Variants in HERC2 observed in about 807,000 individuals in gnomAD.
HERC2 encodes E3 ubiquitin-protein ligase HERC2.
HERC2 carries 102 observed loss-of-function variants against 537.7 expected under a neutral mutation model. The observed-to-expected ratio is 0.19, with a 90% CI of 0.16 to 0.22. The LOEUF (loss-of-function observed/expected upper bound fraction) is 0.22. Among genes scored for constraint, HERC2 ranks in the 10% least tolerant of loss-of-function variants. The pLI, the probability that HERC2 is intolerant of heterozygous loss-of-function variation, is 1.00. For synonymous variants in HERC2, 2,224 were observed against 2,466.2 expected (o/e 0.90, Z 2.91); for missense variants, 4,236 against 6,198.2 (o/e 0.68, Z 10.63).
chr15:28,186,834 C>A, intron 55 of HERC2, 82 bp from the exon 56 acceptor site: 1 of 979,602 alleles, frequency 1.0e-6, no homozygotes. Context: ...ATGTGTGAGA[C>A]ACGAACATGT....
At chr15:28,112,861 A>G (rs1439299025) in intron 92 of HERC2, among the ~76,000 whole-genome samples, 1 of 152,236 alleles carries the variant, frequency 6.6e-6, no homozygotes, top group African/African-American at 2.4e-5. Flanking sequence ...ATGGCCAGAT[A>G]CATTTTTAAA....
intron 78 of HERC2, among the ~76,000 whole-genome samples, chr15:28,140,243 A>G (rs1891077240): frequency 6.6e-6 from 1 of 152,052 alleles, no homozygotes. Flanking sequence ...CTCCATCTGC[A>G]CCCGCTCCAG....
At chr15:28,199,006 A>G (rs374549481) in intron 48 of HERC2, among the ~76,000 whole-genome samples, 7 of 151,982 alleles carry the variant, frequency 4.6e-5, no homozygotes, top group African/African-American at 1.7e-4. Context: ...AATTAGCCAG[A>G]CGTGGCGGTG....
At chr15:28,275,155 G>T in intron 5 of HERC2, 150 bp from the exon 6 acceptor site, 1 of 481,254 alleles carries the variant, frequency 2.1e-6, no homozygotes, top group East Asian at 3.2e-5. Context: ...TCGTTTTGTT[G>T]TTTAACAACT....
At chr15:28,231,826 T>G (rs1243846923) in intron 30 of HERC2, among the ~76,000 whole-genome samples, 2 of 145,450 alleles carry the variant, frequency 1.4e-5, no homozygotes, top group Non-Finnish European at 2.9e-5. Context: ...TCTTTTCAAG[T>G]TACTTAATTT....
chr15:28,286,767 C>T (rs996086407), intron 4 of HERC2, among the ~76,000 whole-genome samples: 2 of 152,160 alleles, frequency 1.3e-5, no homozygotes, highest in Non-Finnish European at 2.9e-5. Context: ...GATTACAACA[C>T]CCAATGGCCA....
At chr15:28,270,316 CAT>C (rs1309557069) in intron 10 of HERC2, among the ~76,000 whole-genome samples, 1 of 151,078 alleles carries the variant, frequency 6.6e-6, no homozygotes, top group East Asian at 1.9e-4. Context: ...TAATATATAA[CAT>C]ATAATTATAC....
At position 28,141,788 on chromosome 15, in the gene HERC2, TCATGCAGAA is replaced by T; in HGVS notation, c.11750_11758del (p.Val3917_His3919del). 1 of 1,614,226 alleles carries T rather than the reference TCATGCAGAA, an allele frequency of 6.2e-7. No homozygotes were observed. The highest frequency in any genetic ancestry group is 1.1e-5 in the South Asian group (1 of 91,080). The stretch of plus-strand genomic sequence containing the variant: ...CTCTCTTTTAAAAATGTCATGGCTC[TCATGCAGAA>T]CATCCATGTTTTCGCTGTCTGCCAT... On this transcript the variant is annotated inframe_deletion, in exon 77 of 93. Coordinates refer to ENST00000261609, the MANE Select transcript of HERC2 (RefSeq NM_004667.6).
rs189738667 is a variant in HERC2, at chr15:28,237,651, G to C, written c.3852+463C>G. On this transcript the variant is annotated intron_variant, in intron 25 of 92. Transcript: ENST00000261609. ...CCCTTCATAAACTGTTTTAAGCCCT[G>C]CCCTAATGGCATTTAATACATCTTA... Among the ~76,000 whole-genome samples the C allele has an allele frequency of 3.5e-3, 529 of 152,322 alleles. 1 individual carries two copies. The highest frequency in any genetic ancestry group is 6.0e-3 in the Non-Finnish European group (405 of 68,018).
chr15:28,286,557 AAT>A (rs1229127074), intron 4 of HERC2, among the ~76,000 whole-genome samples: 1 of 152,238 alleles, frequency 6.6e-6, no homozygotes, highest in Non-Finnish European at 1.5e-5. Flanking sequence ...GACAAAATTC[AAT>A]ACTCATGAAT....
chr15:28,231,641 C>G (rs537784518), intron 30 of HERC2, among the ~76,000 whole-genome samples: 1 of 152,230 alleles, frequency 6.6e-6, no homozygotes, highest in South Asian at 2.1e-4. Context: ...GCCTAGTTTC[C>G]TCTGGACTTC....
In HERC2 at chr15:28,213,839, T is replaced by C. The variant is rs1431964805; in HGVS notation, c.6689A>G (p.Glu2230Gly). The C allele has an allele frequency of 6.2e-7, 1 of 1,613,948 alleles. No individual in the cohort carries two copies. Among genetic ancestry groups the C allele is most frequent in the South Asian group, 1.1e-5 (1 of 91,072 alleles). ...TGGGGTGATGCGAGTCACAGTGCCTTCTCCAAACTCATCGTGCATAACTTG... is the reference window on the plus strand; with the variant it reads ...TGGGGTGATGCGAGTCACAGTGCCTCCTCCAAACTCATCGTGCATAACTTG... Reference protein sequence around the residue: ...GGQVMHDEFGEGTVTRITPKG... With the variant: ...GGQVMHDEFGGGTVTRITPKG... Residue 2230 changes from glutamate (E) to glycine (G), a missense_variant, in exon 42 of 93, where the codon GAA becomes GGA. Physicochemically the swap from Glu to Gly is moderately conservative, Grantham distance 98. Coordinates refer to ENST00000261609, the MANE Select transcript of HERC2 (RefSeq NM_004667.6).
chr15:28,292,772 T>A (rs2076354081), intron 4 of HERC2, 116 bp downstream of exon 4: 1 of 1,093,964 alleles, frequency 9.1e-7, no homozygotes, highest in Admixed American at 2.7e-5. Flanking sequence ...AATATTTAAA[T>A]TTTTTATTTA....
chr15:28,137,844 A>G (rs1015187797), intron 78 of HERC2, among the ~76,000 whole-genome samples: 2 of 152,250 alleles, frequency 1.3e-5, no homozygotes, highest in African/African-American at 4.8e-5. Context: ...TGAGTAAGGC[A>G]CACTGAAAGC....
intron 65 of HERC2, among the ~76,000 whole-genome samples, 180 bp from the exon 66 acceptor site, chr15:28,169,835 C>T (rs983999186): frequency 2.0e-5 from 3 of 152,028 alleles, no homozygotes; most frequent in Non-Finnish European, 2.9e-5. Context: ...ATCCATACTT[C>T]GATAAAGAAG....
rs560686936 is a variant in HERC2, at chr15:28,258,790, G to A, written c.2317-1529C>T. Among the ~76,000 whole-genome samples the A allele has an allele frequency of 3.8e-4, 57 of 151,962 alleles. 1 individual carries two copies. The highest frequency in any genetic ancestry group is 1.7e-3 in the Admixed American group (26 of 15,262). ...AACAAAAGGGAAAAATTAATGAAACGAAAAGATTGTTCTTTGAAAAGATCA... is the reference window on the plus strand; with the variant it reads ...AACAAAAGGGAAAAATTAATGAAACAAAAAGATTGTTCTTTGAAAAGATCA... On this transcript the variant is annotated intron_variant, in intron 16 of 92. Coordinates refer to ENST00000261609, the MANE Select transcript of HERC2 (RefSeq NM_004667.6).
chr15:28,211,515 A>G (rs1899229990), intron 43 of HERC2, among the ~76,000 whole-genome samples: 1 of 152,170 alleles, frequency 6.6e-6, no homozygotes, highest in African/African-American at 2.4e-5. Context: ...AGAATCTGTC[A>G]GCCCCACTAG....
At chr15:28,191,841 G>A (rs191771746) in intron 53 of HERC2, 120 bp downstream of exon 53, 15 of 697,408 alleles carry the variant, frequency 2.2e-5, no homozygotes, top group African/African-American at 3.6e-5. Flanking sequence ...AAAACATAAC[G>A]TGAGTACTGA....
intron 72 of HERC2, 140 bp downstream of exon 72, chr15:28,144,533 G>C (rs1325633180): frequency 2.4e-5 from 28 of 1,163,988 alleles, no homozygotes; most frequent in Non-Finnish European, 3.5e-5. Flanking sequence ...CGCCTCAGCA[G>C]GGCCTGTGAG....
Sources: allele counts gnomAD v4.1 joint callset (sites outside exome capture counted in the v4.1 genomes callset), GRCh38; gene constraint gnomAD v4.1.1; transcripts MANE v1.5; gene names NCBI Gene and HGNC (gene_info 2026-07-23, HGNC 2026-07-21).